TNRC18: variants seen among roughly 807,000 people sequenced by gnomAD.
TNRC18 encodes trinucleotide repeat containing 18.
Under a neutral mutation model 226.7 loss-of-function variants are expected in TNRC18, and 69 were observed. The observed-to-expected ratio is 0.30, with a 90% CI of 0.25 to 0.37. TNRC18 has a LOEUF of 0.37. TNRC18 is among the 10% of genes least tolerant of loss of function. The probability of loss-of-function intolerance (pLI) is 1.00; values close to 1 mark genes in which losing one functional copy is unlikely to be tolerated. For missense variants in TNRC18, 4,754 were observed against 4,256.6 expected (o/e 1.12, Z -3.25); for synonymous variants, 2,449 against 1,927.6 (o/e 1.27, Z -7.09).
chr7:5,340,421 G>A (rs966489210), intron 18 of TNRC18, among the ~76,000 whole-genome samples: 1 of 152,190 alleles, frequency 6.6e-6, no homozygotes, highest in African/African-American at 2.4e-5. Flanking sequence ...AGCCAGCAGA[G>A]ATTGTCTCAT....
rs555386534 is a variant in TNRC18, at chr7:5,391,298, C to T, written c.344-670G>A. ...TGCCCAGCACCAGCATCAGGACGTG[C>T]TGACTTCAACTATTCAGATTTTTTT... On this transcript the variant is annotated intron_variant, in intron 3 of 29. Coordinates refer to ENST00000430969, the MANE Select transcript of TNRC18 (RefSeq NM_001080495.3). Among the ~76,000 whole-genome samples, 7 of 152,040 alleles carry T rather than the reference C, an allele frequency of 4.6e-5. No individual in the cohort carries two copies. In the South Asian group the frequency reaches 1.5e-3, roughly 32 times the overall value.
intron 11 of TNRC18, among the ~76,000 whole-genome samples, chr7:5,363,858 TAA>T (rs11303195): frequency 6.7e-6 from 1 of 150,006 alleles, no homozygotes; most frequent in Non-Finnish European, 1.5e-5. Flanking sequence ...CAGAAAGGTG[TAA>T]AAAAAAAAGA....
In TNRC18 at chr7:5,389,136, C is replaced by G. The variant is rs1478595345; in HGVS notation, c.688G>C (p.Glu230Gln). Reference sequence around the variant, plus strand: ...ACGCCCCGTGGCCCCGAGGCCTCCTCGCCCCGGGCGCGCGGGTCCTTCTTG... The same window carrying G: ...ACGCCCCGTGGCCCCGAGGCCTCCTGGCCCCGGGCGCGCGGGTCCTTCTTG... ...FGKKDPRARG[E>Q]EASGPRGVVD... The change falls in exon 5 of 30, where the codon GAG (glutamate) becomes CAG (glutamine). Residue 230 changes from glutamate (E) to glutamine (Q), a missense_variant. Transcript: ENST00000430969. 7.6e-7 allele frequency: 1 copy of G among 1,317,680 alleles called. No homozygotes were observed. Among genetic ancestry groups the G allele is most frequent in the Non-Finnish European group, 9.7e-7 (1 of 1,033,744 alleles). The allele number at this position is 1,317,680 out of a possible 1,614,324, so 81.6% of individuals were successfully genotyped here.
intron 2 of TNRC18, among the ~76,000 whole-genome samples, chr7:5,399,101 C>T (rs531871748): frequency 1.3e-5 from 2 of 152,282 alleles, no homozygotes; most frequent in East Asian, 1.9e-4. Flanking sequence ...TACTCCAAGC[C>T]CCCACAGTGC....
Position 5,309,480 on chromosome 7 carries a change from T to C in TNRC18, c.8389-112A>G. 1 of 865,968 alleles carries C rather than the reference T, an allele frequency of 1.2e-6. No homozygotes were observed. Among genetic ancestry groups the C allele is most frequent in the Admixed American group, 2.7e-5 (1 of 37,172 alleles). 53.6% of individuals were successfully genotyped at this position (865,968 alleles called of 1,614,324 possible). ...GGCCCTCGGCCTCTAAATCAACCCCTATCCAACTGTGGGGAGATGAGGAAG... is the reference window on the plus strand; with the variant it reads ...GGCCCTCGGCCTCTAAATCAACCCCCATCCAACTGTGGGGAGATGAGGAAG... On this transcript the variant is annotated intron_variant, in intron 27 of 29. Coordinates refer to ENST00000430969, the MANE Select transcript of TNRC18 (RefSeq NM_001080495.3). This position sits in a 1 kb window ranked among gnomAD's most constrained non-coding sequence, Gnocchi z 5.7.
intron 19 of TNRC18, among the ~76,000 whole-genome samples, chr7:5,330,517 G>T (rs1257096321): frequency 2.6e-5 from 4 of 151,958 alleles, no homozygotes; most frequent in African/African-American, 4.8e-5. Flanking sequence ...GGGATTGCAG[G>T]CGTGAGCCAC....
intron 18 of TNRC18, among the ~76,000 whole-genome samples, chr7:5,339,579 T>G (rs137972676): frequency 0.095 from 11,617 of 122,578 alleles, 587 homozygotes; most frequent in East Asian, 0.2. Context: ...GTGTGTGTGT[T>G]TTTCGACAGA....
chr7:5,332,653 CCGG>C lies in TNRC18; in HGVS notation c.6113_6115del (p.Ala2038del), dbSNP rs759462666. 9 of 1,532,322 alleles carry C rather than the reference CCGG, an allele frequency of 5.9e-6. No homozygotes were observed. Among genetic ancestry groups the C allele is most frequent in the Non-Finnish European group, 7.9e-6 (9 of 1,141,696 alleles). The allele number at this position is 1,532,322 out of a possible 1,614,324, so 94.9% of individuals were successfully genotyped here. A position where few individuals can be genotyped will look rare whatever the true frequency, so the allele number is the denominator to read the frequency against. ...GGGGTCCTTCCTGTCCTTTGCACGC[CCGG>C]CGTCCTTGCGCGGGCTCAGGGGGCC... On this transcript the variant is annotated inframe_deletion, in exon 19 of 30. Coordinates refer to ENST00000430969, the MANE Select transcript of TNRC18 (RefSeq NM_001080495.3).
intron 17 of TNRC18, among the ~76,000 whole-genome samples, chr7:5,348,898 G>A (rs973278390): frequency 6.6e-6 from 1 of 151,478 alleles, no homozygotes; most frequent in Non-Finnish European, 1.5e-5. Flanking sequence ...CTTTTCAACA[G>A]CGCCTGGGTC....
intron 5 of TNRC18, among the ~76,000 whole-genome samples, chr7:5,382,503 G>C (rs551892292): frequency 3.6e-4 from 55 of 152,186 alleles, no homozygotes; most frequent in Non-Finnish European, 6.6e-4. Context: ...GCCTCTCTCT[G>C]AGCAGTTCCA....
Position 5,324,727 on chromosome 7 carries a change from G to C in TNRC18, c.6300+369C>G, listed in dbSNP as rs539726319. Among the ~76,000 whole-genome samples, 2 of 152,102 alleles carry C rather than the reference G, an allele frequency of 1.3e-5. No homozygotes were observed. The highest frequency in any genetic ancestry group is 2.9e-5 in the Non-Finnish European group (2 of 68,006). ...CAATGGGCTTGAGGAAAAACCACTC[G>C]GGCAGGGGCTAGCAGGTGTGGGGAG... On this transcript the variant is annotated intron_variant, in intron 20 of 29. Transcript: ENST00000430969. This position sits in a 1 kb window ranked among gnomAD's most constrained non-coding sequence, Gnocchi z 4.8.
At position 5,308,148 on chromosome 7, in the gene TNRC18, C is replaced by T. The variant is rs553098750; in HGVS notation, c.8865G>A (p.Thr2955=). 17 of 1,566,674 alleles carry T rather than the reference C, an allele frequency of 1.1e-5. No homozygotes were observed. Among genetic ancestry groups the T allele is most frequent in the South Asian group, 5.9e-5 (5 of 85,298 alleles). ...CGCCGTCCGTGGAGAAGATCATGCC[C>T]GTGGTGGGCTCGTAGGTGCCCGCGA... The part of the protein sequence containing the change: ...YYLAGTYEPT[T]GMIFSTDGVP... Residue 2955 remains threonine (T), a synonymous_variant, in exon 30 of 30, where the codon ACG becomes ACA. Transcript: ENST00000430969.
chr7:5,380,448 C>A (rs1418184616), intron 5 of TNRC18, among the ~76,000 whole-genome samples: 1 of 152,186 alleles, frequency 6.6e-6, no homozygotes, highest in African/African-American at 2.4e-5. Context: ...CCTTTCCCTG[C>A]AGGAAGGTGG....
intron 29 of TNRC18, 42 bp from the exon 30 acceptor site, chr7:5,308,354 C>G (rs1396084487): frequency 1.3e-6 from 2 of 1,563,192 alleles, no homozygotes; most frequent in African/African-American, 1.4e-5. Flanking sequence ...GTGGGGGGCA[C>G]AGAGGCCGAG....
chr7:5,369,543 C>A (rs1793954689), intron 11 of TNRC18, among the ~76,000 whole-genome samples: 1 of 151,780 alleles, frequency 6.6e-6, no homozygotes, highest in South Asian at 2.1e-4. Context: ...TGAATGAGGC[C>A]AACAGAGAGA....
intron 2 of TNRC18, among the ~76,000 whole-genome samples, chr7:5,403,005 C>G (rs189891727): frequency 6.6e-6 from 1 of 152,030 alleles, no homozygotes; most frequent in East Asian, 1.9e-4. Flanking sequence ...GGATTGGTGT[C>G]CCTTTTACAG....
At chr7:5,322,597 C>A (rs1788491201) in intron 21 of TNRC18, among the ~76,000 whole-genome samples, 1 of 152,224 alleles carries the variant, frequency 6.6e-6, no homozygotes, top group Non-Finnish European at 1.5e-5. Flanking sequence ...CCACCTACCT[C>A]TGAGACTTTC....
Position 5,307,509 on chromosome 7 carries a change from G to A in TNRC18, c.*597C>T, listed in dbSNP as rs753471149. 1 of 447,398 alleles carries A rather than the reference G, an allele frequency of 2.2e-6. No homozygotes were observed. The highest frequency in any genetic ancestry group is 4.5e-6 in the Non-Finnish European group (1 of 222,792). The allele number at this position is 447,398 out of a possible 1,614,324, so 27.7% of individuals were successfully genotyped here. The stretch of plus-strand genomic sequence containing the variant: ...CGGGCCCTCTCCACCTGGTGCCTTT[G>A]ACAGACACTCCGGGCTGCAACCCCA... On this transcript the variant is annotated 3_prime_UTR_variant, in exon 30 of 30. Transcript: ENST00000430969.
At position 5,324,218 on chromosome 7, in the gene TNRC18, G is replaced by A. The variant is rs747052734; in HGVS notation, c.6438C>T (p.Thr2146=). Reference sequence around the variant, plus strand: ...TGTGGCATCACGGCCACTCACCCGGGGTCAGCGGCCGCTCCACAGCCCCGC... The same window carrying A: ...TGTGGCATCACGGCCACTCACCCGGAGTCAGCGGCCGCTCCACAGCCCCGC... ...PRGGAVERPL[T]PAPRSCIIDK... Residue 2146 remains threonine (T), a synonymous_variant, in exon 21 of 30, where the codon ACC becomes ACT. Transcript: ENST00000430969. The surrounding 1 kb of genome is among the most constrained non-coding windows in gnomAD (Gnocchi z 4.8). 3.1e-6 allele frequency: 5 copies of A among 1,603,388 alleles called. No homozygotes were observed. In the South Asian group the frequency reaches 5.5e-5, roughly 18 times the overall value.
Sources: allele counts gnomAD v4.1 joint callset (sites outside exome capture counted in the v4.1 genomes callset), GRCh38; gene constraint gnomAD v4.1.1; non-coding constraint Gnocchi (gnomAD v3.1); transcripts MANE v1.5; gene names NCBI Gene and HGNC (gene_info 2026-07-23, HGNC 2026-07-21).